FBXW5: variants seen among roughly 807,000 people sequenced by gnomAD.
The protein encoded by FBXW5 is F-box and WD repeat domain containing 5, also known as F-box/WD repeat-containing protein 5.
A neutral mutation model predicts 50.9 loss-of-function variants in FBXW5; 74 were observed. That is an observed-to-expected ratio of 1.45 (90% CI 1.20 to 1.76). FBXW5 has a LOEUF of 1.76. Ranked by LOEUF, FBXW5 falls within the 40% of genes most tolerant of loss-of-function variation. The pLI is 0.00. For missense variants in FBXW5, 1,073 were observed against 818.8 expected (o/e 1.31, Z -3.79); for synonymous variants, 523 against 362.2 (o/e 1.44, Z -5.04).
At chr9:136,943,859 G>T in intron 2 of FBXW5, 32 bp downstream of exon 2, 1 of 1,546,498 alleles carries the variant, frequency 6.5e-7, no homozygotes, top group Non-Finnish European at 8.7e-7. Flanking sequence ...CCTGGCTGCA[G>T]AACGTGGGTA....
In FBXW5 at chr9:136,941,701, G is replaced by A. The variant is rs374269169; in HGVS notation, c.1097-17C>T. The stretch of plus-strand genomic sequence containing the variant: ...GCTTGATGCCTGCAGGGAGGGCTAC[G>A]GTGAGGGTCCCTGTCCAATGCCCCA... On this transcript the variant is annotated splice_polypyrimidine_tract_variant and intron_variant, in intron 6 of 8. Transcript: ENST00000325285. 118 of 1,547,774 alleles carry A rather than the reference G, an allele frequency of 7.6e-5. No homozygotes were observed. Among genetic ancestry groups the A allele is most frequent in the Middle Eastern group, 1.7e-4 (1 of 5,986 alleles).
Position 136,941,251 on chromosome 9 carries a change from C to G in FBXW5, c.1457G>C (p.Ser486Thr), listed in dbSNP as rs1564432452. The G allele has an allele frequency of 6.2e-7, 1 of 1,604,204 alleles. No homozygotes were observed. Residue 486 changes from serine to threonine, a missense_variant and splice_region_variant, in exon 8 of 9, where the codon AGC becomes ACC. Transcript: ENST00000325285. Reference sequence around the variant, plus strand: ...CCCTGCACCACGCCGCGCCCTGCACCTGGCCACGAAGTCCCTGCTGACGTC... The same window carrying G: ...CCCTGCACCACGCCGCGCCCTGCACGTGGCCACGAAGTCCCTGCTGACGTC... Reference protein sequence around the residue: ...FLDVSRDFVASGAEDRHGYIW... With the variant: ...FLDVSRDFVATGAEDRHGYIW...
intron 2 of FBXW5, 50 bp from the exon 3 acceptor site, chr9:136,943,556 C>G (rs555933723): frequency 3.8e-6 from 6 of 1,562,594 alleles, no homozygotes; most frequent in Admixed American, 3.6e-5. Context: ...CTCGCAGTCA[C>G]GGCCATGAGC....
Position 136,943,836 on chromosome 9 carries a change from A to T in FBXW5, c.193+55T>A, listed in dbSNP as rs1001178432. On this transcript the variant is annotated intron_variant, in intron 2 of 8. Coordinates refer to ENST00000325285, the MANE Select transcript of FBXW5 (RefSeq NM_018998.4). ...CCCAGCCAGGCTGACCCCCAAGCGCAGGGGCCCGGGGCCCTGGCTGCAGAA... is the reference window on the plus strand; with the variant it reads ...CCCAGCCAGGCTGACCCCCAAGCGCTGGGGCCCGGGGCCCTGGCTGCAGAA... 3.9e-6 allele frequency: 6 copies of T among 1,521,768 alleles called. No individual in the cohort carries two copies. In the African/African-American group the frequency reaches 8.3e-5, roughly 21 times the overall value. The allele number at this position is 1,521,768 out of a possible 1,614,324, so 94.3% of individuals were successfully genotyped here.
At chr9:136,943,247 C>G in intron 3 of FBXW5, 102 bp downstream of exon 3, 1 of 955,570 alleles carries the variant, frequency 1.0e-6, no homozygotes, top group Non-Finnish European at 1.5e-6. Flanking sequence ...TGGCCTGACC[C>G]ACCCCCCCCC....
chr9:136,944,688 G>A lies in FBXW5; in HGVS notation c.-118C>T, dbSNP rs1200785981. ...GCTCGGACCGCCGCCCCCGCCCAACGGGGAGCCCGCCAGGCCCGACGCCAC... is the reference window on the plus strand; with the variant it reads ...GCTCGGACCGCCGCCCCCGCCCAACAGGGAGCCCGCCAGGCCCGACGCCAC... On this transcript the variant is annotated 5_prime_UTR_variant, in exon 1 of 9. Coordinates refer to ENST00000325285, the MANE Select transcript of FBXW5 (RefSeq NM_018998.4). The A allele has an allele frequency of 2.0e-6, 2 of 985,566 alleles. No individual in the cohort carries two copies. The highest frequency in any genetic ancestry group is 3.5e-5 in the African/African-American group (2 of 57,190). 61.1% of individuals were successfully genotyped at this position (985,566 alleles called of 1,614,324 possible). A position where few individuals can be genotyped will look rare whatever the true frequency, so the allele number is the denominator to read the frequency against.
intron 2 of FBXW5, 22 bp downstream of exon 2, chr9:136,943,869 A>G: frequency 1.3e-6 from 2 of 1,547,826 alleles, no homozygotes; most frequent in Non-Finnish European, 1.7e-6. Flanking sequence ...GAACGTGGGT[A>G]GGGGCCCCAC....
At position 136,940,826 on chromosome 9, in the gene FBXW5, G is replaced by A. The variant is rs977747429; in HGVS notation, c.*102C>T. 3.8e-5 allele frequency: 56 copies of A among 1,456,804 alleles called. No individual in the cohort carries two copies. The highest frequency in any genetic ancestry group is 2.7e-4 in the Admixed American group (12 of 44,880). The allele number at this position is 1,456,804 out of a possible 1,614,324, so 90.2% of individuals were successfully genotyped here. ...GGCCTGGTTGTCCCCTTCCTAAGGC[G>A]TAACTGCTATAAGCATCTCCACCTC... is the stretch of plus-strand genomic sequence containing the variant. On this transcript the variant is annotated 3_prime_UTR_variant, in exon 9 of 9. Transcript: ENST00000325285.
At position 136,944,308 on chromosome 9, in the gene FBXW5, C is replaced by A. The variant is rs983437048; in HGVS notation, c.-23-202G>T. 4.6e-5 allele frequency: 29 copies of A among 629,860 alleles called. 1 individual carries two copies. In the African/African-American group the frequency reaches 5.0e-4, roughly 11 times the overall value. The allele number at this position is 629,860 out of a possible 1,614,324, so 39.0% of individuals were successfully genotyped here. On this transcript the variant is annotated intron_variant, in intron 1 of 8. Coordinates refer to ENST00000325285, the MANE Select transcript of FBXW5 (RefSeq NM_018998.4). ...CGGCCCCTCTCCGCCGCGTCATCCC[C>A]CGGCCTCCTGCGGCCGGCAGCGGGC...
In FBXW5 at chr9:136,942,626, G is replaced by A. The variant is rs756243023; in HGVS notation, c.596C>T (p.Thr199Ile). Residue 199 changes from threonine to isoleucine, a missense_variant, in exon 5 of 9, where the codon ACC (threonine) becomes ATC (isoleucine). Coordinates refer to ENST00000325285, the MANE Select transcript of FBXW5 (RefSeq NM_018998.4). ...GTGCAGGTTCCCCGAGATGAGGCTG[G>A]TCTCGGTGAGCCAACAGCCAAACAC... is the stretch of plus-strand genomic sequence containing the variant. ...YDVFGCWLTE[T>I]SLISGNLHRI... The A allele has an allele frequency of 1.2e-6, 2 of 1,609,958 alleles. No homozygotes were observed. Among genetic ancestry groups the A allele is most frequent in the East Asian group, 2.2e-5 (1 of 44,792 alleles).
At position 136,940,728 on chromosome 9, in the gene FBXW5, C is replaced by T; in HGVS notation, c.*200G>A. The stretch of plus-strand genomic sequence containing the variant: ...CCCAGGAGGCCGAGGGGGCCTTGGG[C>T]TCCATCTGCACTGGCCACCCCGTGC... On this transcript the variant is annotated 3_prime_UTR_variant, in exon 9 of 9. Transcript: ENST00000325285. 1 of 854,540 alleles carries T rather than the reference C, an allele frequency of 1.2e-6. No homozygotes were observed. Among genetic ancestry groups the T allele is most frequent in the Non-Finnish European group, 1.7e-6 (1 of 572,242 alleles). 52.9% of individuals were successfully genotyped at this position (854,540 alleles called of 1,614,324 possible).
rs149656628 is a variant in FBXW5, at chr9:136,942,574, C to G, written c.648G>C (p.Ser216=). The G allele has an allele frequency of 2.5e-6, 4 of 1,611,870 alleles. No homozygotes were observed. The highest frequency in any genetic ancestry group is 2.7e-5 in the African/African-American group (2 of 75,000). ...LHRIGDITSC[S]VLWLNNAFQD... is the part of the protein sequence containing the mutation. ...GGAAGGCATTGTTGAGCCACAGCAC[C>G]GAGCAGGAGGTGATATCTCCGATGC... The change falls in exon 5 of 9, where the codon TCG becomes TCC. Residue 216 remains serine (S), a synonymous_variant. Transcript: ENST00000325285.
rs200764388 is a variant in FBXW5, at chr9:136,942,186, G to A, written c.956C>T (p.Ser319Leu). Residue 319 changes from serine (S) to leucine (L), a missense_variant, in exon 6 of 9, where the codon TCG (serine) becomes TTG (leucine). Ser to Leu is a moderately radical substitution (Grantham distance 145). Transcript: ENST00000325285. ...CACCTTGGTCTCTAGCATGCGCTCC[G>A]ACAGCTGTGGCTGCGCCCGCCCCTC... ...VLEGRAQPQL[S>L]ERMLETKVAE... 1.4e-5 allele frequency: 22 copies of A among 1,588,540 alleles called. No individual in the cohort carries two copies. The East Asian group carries it at 3.2e-4, about 23-fold the overall frequency.
At chr9:136,943,148 G>T in intron 3 of FBXW5, 5 of 1,029,556 alleles carry the variant, frequency 4.9e-6, no homozygotes, top group Non-Finnish European at 7.1e-6. Flanking sequence ...CTGTGTGTGG[G>T]ACCCTCTCCT....
intron 1 of FBXW5, 112 bp downstream of exon 1, chr9:136,944,482 G>C (rs1850956120): frequency 1.0e-6 from 1 of 982,408 alleles, no homozygotes; most frequent in South Asian, 4.7e-5. Context: ...TGCCCGGCGG[G>C]CTCGGGGCGG....
rs546064512 is a variant in FBXW5, at chr9:136,942,717, A to G, written c.527-22T>C. 604 of 1,610,492 alleles carry G rather than the reference A, an allele frequency of 3.8e-4. 2 individuals are homozygous for G. The highest frequency in any genetic ancestry group is 6.0e-5 in the Non-Finnish European group (71 of 1,179,120). ...GAGTCTGTGGGGAGGCCGGGGCTGG[A>G]CAGGCTGTCGGCGTGGGGCGGGGGC... On this transcript the variant is annotated intron_variant, in intron 4 of 8. Coordinates refer to ENST00000325285, the MANE Select transcript of FBXW5 (RefSeq NM_018998.4).
Position 136,944,619 on chromosome 9 carries a change from GC to G in FBXW5, c.-50del. 3 of 984,428 alleles carry G rather than the reference GC, an allele frequency of 3.0e-6. No individual in the cohort carries two copies. The highest frequency in any genetic ancestry group is 3.6e-6 in the Non-Finnish European group (3 of 829,200). 61.0% of individuals were successfully genotyped at this position (984,428 alleles called of 1,614,324 possible). ...CACGGCCGCCTCCGCCCGCTGCGCC[GC>G]CCCCGCCCTGCGCGACCCGGACCCG... On this transcript the variant is annotated 5_prime_UTR_variant, in exon 1 of 9. Transcript: ENST00000325285.
At position 136,944,624 on chromosome 9, in the gene FBXW5, C is replaced by A. The variant is rs1212601836; in HGVS notation, c.-54G>T. On this transcript the variant is annotated 5_prime_UTR_variant, in exon 1 of 9. Transcript: ENST00000325285. ...CCGCCTCCGCCCGCTGCGCCGCCCC[C>A]GCCCTGCGCGACCCGGACCCGCTTC... 2 of 984,892 alleles carry A rather than the reference C, an allele frequency of 2.0e-6. No homozygotes were observed. The highest frequency in any genetic ancestry group is 2.4e-6 in the Non-Finnish European group (2 of 829,594). The allele number at this position is 984,892 out of a possible 1,614,324, so 61.0% of individuals were successfully genotyped here. A position where few individuals can be genotyped will look rare whatever the true frequency, so the allele number is the denominator to read the frequency against.
Position 136,943,383 on chromosome 9 carries a change from T to G in FBXW5, c.317A>C (p.Gln106Pro). ...LHLSFSHSGYQFASCSKDCTV... is the reference protein window; with the variant it reads ...LHLSFSHSGYPFASCSKDCTV... ...GCAGTCCTTGGAGCAGGACGCGAAC[T>G]GGTACCCGGAATGGGAGAAGCTGAG... The change falls in exon 3 of 9, where the codon CAG becomes CCG. Residue 106 changes from glutamine (Q) to proline (P), a missense_variant. Physicochemically the swap from Gln to Pro is moderately conservative, Grantham distance 76. Coordinates refer to ENST00000325285, the MANE Select transcript of FBXW5 (RefSeq NM_018998.4). 1 of 1,612,844 alleles carries G rather than the reference T, an allele frequency of 6.2e-7. No individual in the cohort carries two copies. The highest frequency in any genetic ancestry group is 1.3e-5 in the African/African-American group (1 of 75,024).
Sources: gnomAD v4.1 joint callset for allele counts on GRCh38, gnomAD v4.1.1 for gene constraint, MANE v1.5 for transcripts, NCBI Gene and HGNC (gene_info 2026-07-23, HGNC 2026-07-21) for gene names.